UNC13B: variants seen among roughly 807,000 people sequenced by gnomAD.
UNC13B encodes protein unc-13 homolog B.
Under a neutral mutation model 211.0 loss-of-function variants are expected in UNC13B, and 144 were observed. The ratio of observed to expected loss-of-function variants is 0.68; its 90% CI spans 0.60 to 0.78. The LOEUF (loss-of-function observed/expected upper bound fraction) is 0.78, where lower values mean the gene tolerates loss of function less well. UNC13B is among the 30% of genes least tolerant of loss of function. The probability of loss-of-function intolerance (pLI) is 0.00; values close to 1 mark genes in which losing one functional copy is unlikely to be tolerated. For missense variants in UNC13B, 1,777 were observed against 2,002.0 expected (o/e 0.89, Z 2.14); for synonymous variants, 709 against 725.8 (o/e 0.98, Z 0.37).
Position 35,398,492 on chromosome 9 carries a change from T to C in UNC13B, c.11833-62T>C, listed in dbSNP as rs959746676. On this transcript the variant is annotated intron_variant, in intron 31 of 39. Coordinates refer to ENST00000635942, the MANE Select transcript of UNC13B (RefSeq NM_001371189.2). ...AAGCCCTGCAAGGAAGTAGTAGGGG[T>C]GTGGCAGGGTAGAAGAGGGTAAGAA... 2.8e-5 allele frequency: 42 copies of C among 1,513,808 alleles called. No individual in the cohort carries two copies. In the Middle Eastern group the frequency reaches 5.7e-4, roughly 20 times the overall value. 93.8% of individuals were successfully genotyped at this position (1,513,808 alleles called of 1,614,324 possible).
At chr9:35,246,363 C>G (rs1439200480) in intron 6 of UNC13B, among the ~76,000 whole-genome samples, 1 of 152,128 alleles carries the variant, frequency 6.6e-6, no homozygotes, top group Non-Finnish European at 1.5e-5. Context: ...AATTAGATCC[C>G]ATTTGTCAAT....
intron 24 of UNC13B, among the ~76,000 whole-genome samples, chr9:35,387,330 A>G (rs909069587): frequency 6.6e-6 from 1 of 152,206 alleles, no homozygotes. Context: ...ACTACATCCA[A>G]TTTGTAAAGC....
chr9:35,261,967 T>TA (rs1287053347), intron 7 of UNC13B, among the ~76,000 whole-genome samples: 3 of 152,194 alleles, frequency 2.0e-5, no homozygotes, highest in Non-Finnish European at 2.9e-5. Context: ...TCTTTTTTTT[T>TA]ATGGATAAAT....
intron 6 of UNC13B, among the ~76,000 whole-genome samples, chr9:35,248,239 C>T (rs977314689): frequency 1.1e-4 from 17 of 152,080 alleles, no homozygotes; most frequent in African/African-American, 3.9e-4. Context: ...TTTGATTCTT[C>T]TCTCTTTTCT....
At chr9:35,292,015 C>T (rs1018385138) in intron 7 of UNC13B, among the ~76,000 whole-genome samples, 7 of 152,120 alleles carry the variant, frequency 4.6e-5, no homozygotes, top group Non-Finnish European at 8.8e-5. Context: ...AGTAGGTGAC[C>T]TCAAGCATAA....
At chr9:35,259,796 C>CGGGGG (rs563086434) in intron 7 of UNC13B, among the ~76,000 whole-genome samples, 41 of 14,066 alleles carry the variant, frequency 2.9e-3, no homozygotes, top group Non-Finnish European at 5.4e-3. Context: ...TAGGGGGATG[C>CGGGGG]GGGGGGGGGG....
At chr9:35,295,394 T>G (rs1218154073) in intron 7 of UNC13B, among the ~76,000 whole-genome samples, 1 of 152,196 alleles carries the variant, frequency 6.6e-6, no homozygotes, top group Non-Finnish European at 1.5e-5. Flanking sequence ...ATTATGGTTA[T>G]GATAGTTGGA....
At chr9:35,383,644 T>C (rs530730068) in intron 21 of UNC13B, among the ~76,000 whole-genome samples, 1 of 152,312 alleles carries the variant, frequency 6.6e-6, no homozygotes, top group South Asian at 2.1e-4. Context: ...AATTATACTT[T>C]TTCTATGAAA....
intron 1 of UNC13B, among the ~76,000 whole-genome samples, chr9:35,181,468 T>C (rs1821934754): frequency 6.6e-6 from 1 of 152,228 alleles, no homozygotes; most frequent in Admixed American, 6.5e-5. Context: ...AAAATGGAGA[T>C]AATATTAGTA....
chr9:35,220,634 T>C (rs1192673513), intron 1 of UNC13B, among the ~76,000 whole-genome samples: 1 of 152,214 alleles, frequency 6.6e-6, no homozygotes, highest in African/African-American at 2.4e-5. Flanking sequence ...TGTGGCTGAA[T>C]AGTACTCCAT....
chr9:35,317,689 A>ATTTTTTTTTTTTTT, intron 11 of UNC13B, among the ~76,000 whole-genome samples: 1 of 125,556 alleles, frequency 8.0e-6, no homozygotes, highest in Non-Finnish European at 1.7e-5. Context: ...TGCCTGGCTA[A>ATTTTTTTTTTTTTT]TTTTTTTTTT....
Position 35,300,405 on chromosome 9 carries a change from G to T in UNC13B, c.1001G>T (p.Arg334Leu), listed in dbSNP as rs538363114. The T allele has an allele frequency of 7.5e-6, 3 of 398,968 alleles. 1 individual carries two copies. The highest frequency in any genetic ancestry group is 7.1e-5 in the East Asian group (2 of 28,072). 24.7% of individuals were successfully genotyped at this position (398,968 alleles called of 1,614,324 possible). A position where few individuals can be genotyped will look rare whatever the true frequency, so the allele number is the denominator to read the frequency against. ...NGFVVKSGMQRIKLESHDYDL... is the reference protein window; with the variant it reads ...NGFVVKSGMQLIKLESHDYDL... ...TTTGTGGTTAAGAGTGGCATGCAGC[G>T]CATTAAGTTGGAAAGTCATGATTAT... The change falls in exon 9 of 40, where the codon CGC becomes CTC. Residue 334 changes from arginine to leucine, a missense_variant. Arg to Leu is a moderately radical substitution (Grantham distance 102, BLOSUM62 -2). Coordinates refer to ENST00000635942, the MANE Select transcript of UNC13B (RefSeq NM_001371189.2).
chr9:35,261,189 C>T (rs1827252120), intron 7 of UNC13B, among the ~76,000 whole-genome samples: 1 of 152,150 alleles, frequency 6.6e-6, no homozygotes, highest in Admixed American at 6.6e-5. Flanking sequence ...TTTCCCTCAT[C>T]CCCCTCTTAT....
At chr9:35,380,394 T>G in intron 17 of UNC13B, 76 bp from the exon 18 acceptor site, 1 of 1,505,264 alleles carries the variant, frequency 6.6e-7, no homozygotes, top group African/African-American at 1.4e-5. Flanking sequence ...TCGGAGCTTT[T>G]GGGAGGGAAT....
chr9:35,176,800 T>C (rs1821661467), intron 1 of UNC13B, among the ~76,000 whole-genome samples: 1 of 152,052 alleles, frequency 6.6e-6, no homozygotes, highest in South Asian at 2.1e-4. Flanking sequence ...TTAAGGAAAG[T>C]TACCTACACA....
intron 1 of UNC13B, among the ~76,000 whole-genome samples, chr9:35,209,090 G>A (rs1176079074): frequency 6.6e-6 from 1 of 152,068 alleles, no homozygotes; most frequent in Non-Finnish European, 1.5e-5. Flanking sequence ...TTTGAGACAG[G>A]GTCTTGCTGT....
At position 35,236,360 on chromosome 9, in the gene UNC13B, G is replaced by A. The variant is rs946998323; in HGVS notation, c.153-109G>A. 8 of 912,112 alleles carry A rather than the reference G, an allele frequency of 8.8e-6. No individual in the cohort carries two copies. In the East Asian group the frequency reaches 2.0e-4, roughly 23 times the overall value. The allele number at this position is 912,112 out of a possible 1,614,324, so 56.5% of individuals were successfully genotyped here. A position where few individuals can be genotyped will look rare whatever the true frequency, so the allele number is the denominator to read the frequency against. The stretch of plus-strand genomic sequence containing the variant: ...ATTCTGGGAAATTTTGATTTTTCCT[G>A]AAGACAGGATCCTGGTGAGAAAGCA... On this transcript the variant is annotated intron_variant, in intron 3 of 39. Transcript: ENST00000635942.
chr9:35,307,956 G>C lies in UNC13B; in HGVS notation c.8552G>C (p.Gly2851Ala), dbSNP rs1587587351. The C allele has an allele frequency of 1.8e-5, 7 of 398,888 alleles. No individual in the cohort carries two copies. Among genetic ancestry groups the C allele is most frequent in the Non-Finnish European group, 3.1e-5 (7 of 226,128 alleles). The allele number at this position is 398,888 out of a possible 1,614,324, so 24.7% of individuals were successfully genotyped here. ...LSFPWPKENK[G>A]VPEQMPTESS... ...TTTCCATGGCCAAAAGAGAACAAAG[G>C]GGTCCCTGAACAAATGCCTACAGAA... The change falls in exon 9 of 40, where the codon GGG becomes GCG. Residue 2851 changes from glycine (G) to alanine (A), a missense_variant. Physicochemically the swap from Gly to Ala is moderately conservative, Grantham distance 60. Coordinates refer to ENST00000635942, the MANE Select transcript of UNC13B (RefSeq NM_001371189.2).
chr9:35,273,385 C>G (rs558062248), intron 7 of UNC13B, among the ~76,000 whole-genome samples: 2 of 152,246 alleles, frequency 1.3e-5, no homozygotes, highest in African/African-American at 4.8e-5. Flanking sequence ...TCCTAGTGTC[C>G]ATTGCGTTGA....
Sources: allele counts gnomAD v4.1 joint callset (sites outside exome capture counted in the v4.1 genomes callset), GRCh38; gene constraint gnomAD v4.1.1; transcripts MANE v1.5; gene names NCBI Gene and HGNC (gene_info 2026-07-23, HGNC 2026-07-21).